Variants in CNTN5 observed in about 807,000 individuals in gnomAD.
The protein encoded by CNTN5 is contactin 5.
CNTN5 carries 77 observed loss-of-function variants against 129.1 expected under a neutral mutation model. That is an observed-to-expected ratio of 0.60 (90% CI 0.50 to 0.72). The LOEUF is 0.72. CNTN5 is among the 30% of genes least tolerant of loss of function. CNTN5 has a pLI of 0.00. For missense variants in CNTN5, 1,478 were observed against 1,328.8 expected, an observed-to-expected ratio of 1.11 and a Z score of -1.75; for synonymous variants, 509 against 465.6, an observed-to-expected ratio of 1.09 and a Z score of -1.20.
chr11:99,403,030 G>A (rs144403129), intron 2 of CNTN5, among the ~76,000 whole-genome samples: 2,044 of 118,940 alleles, frequency 0.017, 33 homozygotes, highest in East Asian at 0.077. Context: ...TTTTTGAGAT[G>A]GAGTCTTGCT....
At chr11:99,450,854 A>T (rs1944276553) in intron 2 of CNTN5, among the ~76,000 whole-genome samples, 1 of 150,382 alleles carries the variant, frequency 6.6e-6, no homozygotes, top group South Asian at 2.1e-4. Flanking sequence ...CTCCACATAA[A>T]TATTAGCAAC....
At chr11:99,584,775 A>G (rs976519255) in intron 3 of CNTN5, among the ~76,000 whole-genome samples, 4 of 152,212 alleles carry the variant, frequency 2.6e-5, no homozygotes, top group Admixed American at 2.0e-4. Context: ...AGTTGTTTGA[A>G]CTGTGAAACA....
At chr11:99,676,835 T>C in intron 3 of CNTN5, among the ~76,000 whole-genome samples, 1 of 152,076 alleles carries the variant, frequency 6.6e-6, no homozygotes, top group East Asian at 1.9e-4. Context: ...GAAATAAAAG[T>C]GTGATAAATT....
chr11:99,983,654 T>C (rs1938492242), intron 8 of CNTN5, among the ~76,000 whole-genome samples: 1 of 152,202 alleles, frequency 6.6e-6, no homozygotes, highest in East Asian at 1.9e-4. Context: ...GAGAAAGACA[T>C]TGATTGACAA....
chr11:99,956,978 T>A lies in CNTN5; in HGVS notation c.846T>A (p.Ser282Arg), dbSNP rs1950819733. ...KNTVTNARVL[S>R]PPTPLTLRND... ...CAGTGACGAATGCTAGAGTCCTTAG[T>A]CCTCCAACGCCACTCACTCTGCGTA... Residue 282 changes from serine (S) to arginine (R), a missense_variant, in exon 8 of 25, where the codon AGT becomes AGA. Transcript: ENST00000524871. 6.2e-7 allele frequency: 1 copy of A among 1,613,832 alleles called. No homozygotes were observed. The highest frequency in any genetic ancestry group is 8.5e-7 in the Non-Finnish European group (1 of 1,179,816).
At chr11:99,625,100 G>A (rs1951082124) in intron 3 of CNTN5, among the ~76,000 whole-genome samples, 1 of 152,178 alleles carries the variant, frequency 6.6e-6, no homozygotes, top group South Asian at 2.1e-4. Context: ...ATTAATGAAA[G>A]ATTATCTATT....
intron 1 of CNTN5, among the ~76,000 whole-genome samples, chr11:99,094,976 G>T (rs1350764487): frequency 1.3e-5 from 2 of 151,454 alleles, no homozygotes; most frequent in Non-Finnish European, 3.0e-5. Context: ...ATTATTATTA[G>T]GTTTCTATCT....
At chr11:99,479,969 G>GA (rs1337351774) in intron 2 of CNTN5, among the ~76,000 whole-genome samples, 1 of 150,796 alleles carries the variant, frequency 6.6e-6, no homozygotes, top group East Asian at 1.9e-4. Flanking sequence ...TAAAAAGAAA[G>GA]AAAAAAAGCT....
At chr11:99,797,029 T>TCC in intron 3 of CNTN5, among the ~76,000 whole-genome samples, 1 of 151,922 alleles carries the variant, frequency 6.6e-6, no homozygotes, top group Non-Finnish European at 1.5e-5. Flanking sequence ...CATGCAGGAT[T>TCC]CCCCATGTCC....
rs147783905 is a variant in CNTN5, at chr11:99,712,764, C to T, written c.56-106780C>T. ...CTTTCCCTATTGCTTGTTTTTGTCA[C>T]GTTTTTTAAAGATCAGATGGTTCTT... On this transcript the variant is annotated intron_variant, in intron 3 of 24. Coordinates refer to ENST00000524871, the MANE Select transcript of CNTN5 (RefSeq NM_014361.4). Among the ~76,000 whole-genome samples, 395 of 151,792 alleles carry T rather than the reference C, an allele frequency of 2.6e-3. 2 individuals are homozygous for T. Among genetic ancestry groups the T allele is most frequent in the African/African-American group, 7.2e-3 (299 of 41,480 alleles).
chr11:99,997,356 A>T (rs1445541210), intron 8 of CNTN5, among the ~76,000 whole-genome samples: 2 of 152,156 alleles, frequency 1.3e-5, no homozygotes, highest in Admixed American at 6.5e-5. Context: ...ATCAACTACC[A>T]TCAGAGAATA....
At chr11:100,123,404 G>T (rs946727228) in intron 13 of CNTN5, among the ~76,000 whole-genome samples, 1 of 151,922 alleles carries the variant, frequency 6.6e-6, no homozygotes, top group Non-Finnish European at 1.5e-5. Flanking sequence ...CTCCTAGGTG[G>T]AATAAATATA....
intron 8 of CNTN5, among the ~76,000 whole-genome samples, chr11:99,988,847 GTGTT>G (rs1029200138): frequency 2.5e-4 from 19 of 77,146 alleles, no homozygotes; most frequent in Admixed American, 1.4e-3. Flanking sequence ...GGGTGTGTGT[GTGTT>G]TGTGTGTGTG....
At chr11:99,583,465 G>A (rs1949685003) in intron 3 of CNTN5, among the ~76,000 whole-genome samples, 1 of 152,168 alleles carries the variant, frequency 6.6e-6, no homozygotes, top group Admixed American at 6.5e-5. Flanking sequence ...AGCTGTGGTG[G>A]GCTCCACCCA....
chr11:99,076,052 G>T (rs1360242491), intron 1 of CNTN5, among the ~76,000 whole-genome samples: 2 of 151,850 alleles, frequency 1.3e-5, no homozygotes, highest in African/African-American at 4.8e-5. Flanking sequence ...TTTACTTTTG[G>T]GCCAGGCACA....
chr11:100,146,170 C>T (rs1161974704), intron 13 of CNTN5, among the ~76,000 whole-genome samples: 1 of 151,996 alleles, frequency 6.6e-6, no homozygotes, highest in African/African-American at 2.4e-5. Context: ...ATCAGTAATA[C>T]TTAGGGTTTT....
intron 15 of CNTN5, among the ~76,000 whole-genome samples, chr11:100,210,134 G>C (rs945834251): frequency 2.1e-5 from 3 of 144,408 alleles, no homozygotes; most frequent in Admixed American, 7.1e-5. Flanking sequence ...CCAAGAGTTC[G>C]AGATCAGCCT....
At chr11:99,807,635 C>T (rs76140677) in intron 3 of CNTN5, among the ~76,000 whole-genome samples, 512 of 152,182 alleles carry the variant, frequency 3.4e-3, no homozygotes, top group African/African-American at 0.012. Flanking sequence ...CTGTCTCAGC[C>T]TCCTAAATAG....
intron 3 of CNTN5, among the ~76,000 whole-genome samples, chr11:99,779,925 C>T (rs1282043129): frequency 1.3e-5 from 2 of 151,940 alleles, no homozygotes; most frequent in Admixed American, 6.6e-5. Flanking sequence ...AGTCAGGACT[C>T]CTACTACATC....
Sources: gnomAD v4.1 joint callset for allele counts (sites outside exome capture counted in the v4.1 genomes callset) on GRCh38, gnomAD v4.1.1 for gene constraint, MANE v1.5 for transcripts, NCBI Gene and HGNC (gene_info 2026-07-23, HGNC 2026-07-21) for gene names.